The following PLCL1 variants were observed in gnomAD, a reference collection of about 807,000 sequenced individuals.
The protein encoded by PLCL1 is phospholipase C like 1 (inactive).
Under a neutral mutation model 84.4 loss-of-function variants are expected in PLCL1, and 41 were observed. That is an observed-to-expected ratio of 0.49 (90% CI 0.38 to 0.63). The LOEUF (loss-of-function observed/expected upper bound fraction) is 0.63. Ranked by LOEUF, PLCL1 falls within the 30% of genes least tolerant of loss-of-function variation. The pLI, the probability that PLCL1 is intolerant of heterozygous loss-of-function variation, is 0.00. For synonymous variants in PLCL1, 490 were observed against 488.3 expected, an observed-to-expected ratio of 1.00 and a Z score of -0.05; for missense variants, 1,206 against 1,367.8, an observed-to-expected ratio of 0.88 and a Z score of 1.87.
In PLCL1 at chr2:197,805,601, C is replaced by A. The variant is rs978415877; in HGVS notation, c.240+262C>A. 6.6e-6 allele frequency among the ~76,000 whole-genome samples: 1 copy of A among 152,194 alleles called. No homozygotes were observed. The highest frequency in any genetic ancestry group is 2.4e-5 in the African/African-American group (1 of 41,450). On this transcript the variant is annotated intron_variant, in intron 1 of 5. Coordinates refer to ENST00000428675, the MANE Select transcript of PLCL1 (RefSeq NM_006226.4). This position sits in a 1 kb window ranked among gnomAD's most constrained non-coding sequence, Gnocchi z 4.0. ...TTGCGTTCTGATGGATGCTTTCCCT[C>A]ATTTTCTCTGCAAGCTTCACTAAAC...
At chr2:197,835,365 T>C (rs1469631744) in intron 1 of PLCL1, among the ~76,000 whole-genome samples, 1 of 152,214 alleles carries the variant, frequency 6.6e-6, no homozygotes, top group Non-Finnish European at 1.5e-5. Context: ...AGTAGATAGT[T>C]TTGTGACATT....
Position 197,858,282 on chromosome 2 carries a change from A to C in PLCL1, c.240+52943A>C, listed in dbSNP as rs567427605. 7.2e-5 allele frequency among the ~76,000 whole-genome samples: 11 copies of C among 152,282 alleles called. No individual in the cohort carries two copies. The South Asian group carries it at 2.1e-3, about 29-fold the overall frequency. On this transcript the variant is annotated intron_variant, in intron 1 of 5. Transcript: ENST00000428675. ...ATCCCAAGGCAAGTGACAGCCACTG[A>C]GTTGTAGCTCCTCTTGTAAAATAAA... is the stretch of plus-strand genomic sequence containing the variant.
rs79140082 is a variant in PLCL1, at chr2:198,056,540, C to T, written c.241-27218C>T. Among the ~76,000 whole-genome samples the T allele has an allele frequency of 2.8e-3, 424 of 152,290 alleles. 3 individuals are homozygous for T. The highest frequency in any genetic ancestry group is 9.5e-3 in the African/African-American group (396 of 41,558). Reference sequence around the variant, plus strand: ...GGGCAGGTTACTTAATCTTTCAAAGCCTCAGTTTCCTCATCTGCAAAATGG... The same window carrying T: ...GGGCAGGTTACTTAATCTTTCAAAGTCTCAGTTTCCTCATCTGCAAAATGG... On this transcript the variant is annotated intron_variant, in intron 1 of 5. Coordinates refer to ENST00000428675, the MANE Select transcript of PLCL1 (RefSeq NM_006226.4).
intron 1 of PLCL1, among the ~76,000 whole-genome samples, chr2:197,974,592 G>A (rs980145613): frequency 6.6e-6 from 1 of 152,216 alleles, no homozygotes. Context: ...AGAGCACAAA[G>A]TTTGTTTCTA....
intron 1 of PLCL1, among the ~76,000 whole-genome samples, chr2:197,913,058 T>C (rs1273626308): frequency 6.6e-6 from 1 of 152,022 alleles, no homozygotes; most frequent in African/African-American, 2.4e-5. Context: ...TAAGCTGAAA[T>C]ATGTAGAGAT....
At chr2:198,097,405 C>T (rs1693227552) in intron 3 of PLCL1, among the ~76,000 whole-genome samples, 2 of 152,212 alleles carry the variant, frequency 1.3e-5, no homozygotes, top group South Asian at 4.1e-4. Context: ...TCCATGCATA[C>T]TCAAAGCTGG....
At chr2:198,103,758 AT>A in intron 4 of PLCL1, 68 bp from the exon 5 acceptor site, 1 of 696,552 alleles carries the variant, frequency 1.4e-6, no homozygotes, top group Non-Finnish European at 2.4e-6. Context: ...TACTGATAAT[AT>A]TTTCATTATA....
At chr2:197,901,325 A>C (rs1235906515) in intron 1 of PLCL1, among the ~76,000 whole-genome samples, 2 of 152,226 alleles carry the variant, frequency 1.3e-5, no homozygotes, top group East Asian at 3.8e-4. Flanking sequence ...GAAAAGGCAA[A>C]AATATACAAT....
At chr2:198,145,475 CAATT>C (rs1244491203) in intron 5 of PLCL1, among the ~76,000 whole-genome samples, 1 of 152,310 alleles carries the variant, frequency 6.6e-6, no homozygotes, top group East Asian at 1.9e-4. Context: ...TTGGGACAGT[CAATT>C]AACCTCATCA....
At chr2:197,858,077 G>A (rs1052345772) in intron 1 of PLCL1, among the ~76,000 whole-genome samples, 13 of 152,148 alleles carry the variant, frequency 8.5e-5, no homozygotes, top group African/African-American at 2.4e-4. Context: ...GGTATGTTTC[G>A]GAATACTGAA....
chr2:198,050,710 G>A (rs1463054287), intron 1 of PLCL1, among the ~76,000 whole-genome samples: 1 of 152,172 alleles, frequency 6.6e-6, no homozygotes, highest in Non-Finnish European at 1.5e-5. Flanking sequence ...TGACAGATAG[G>A]AAATTATTTG....
intron 1 of PLCL1, among the ~76,000 whole-genome samples, chr2:198,064,204 A>G (rs1692272672): frequency 6.6e-6 from 1 of 152,170 alleles, no homozygotes; most frequent in Non-Finnish European, 1.5e-5. Flanking sequence ...GGAGCAATTA[A>G]CAAAACTAAA....
intron 1 of PLCL1, among the ~76,000 whole-genome samples, chr2:197,898,156 T>C (rs1428251388): frequency 3.3e-5 from 5 of 152,326 alleles, no homozygotes; most frequent in Non-Finnish European, 1.5e-5. Context: ...TCTTTCTGAT[T>C]GGCAGGGCTG....
chr2:197,890,701 T>TATATATAC lies in PLCL1; in HGVS notation c.240+85363_240+85364insTATATACA, dbSNP rs11270566. Among the ~76,000 whole-genome samples, 87 of 118,554 alleles carry TATATATAC rather than the reference T, an allele frequency of 7.3e-4. 2 individuals carry two copies. The highest frequency in any genetic ancestry group is 5.1e-3 in the South Asian group (19 of 3,700). The allele number at this position is 118,554 out of a possible 152,430, so 77.8% of individuals were successfully genotyped here. ...TTTTTGCTATATATATATATATATA[T>TATATATAC]ACACACACACATATACGTATATATG... On this transcript the variant is annotated intron_variant, in intron 1 of 5. Coordinates refer to ENST00000428675, the MANE Select transcript of PLCL1 (RefSeq NM_006226.4).
chr2:198,118,492 A>C (rs532951237), intron 5 of PLCL1, among the ~76,000 whole-genome samples: 1 of 152,130 alleles, frequency 6.6e-6, no homozygotes, highest in Non-Finnish European at 1.5e-5. Context: ...AAAGATACTC[A>C]GGAAAAGTTT....
chr2:197,909,335 T>C (rs1206657094), intron 1 of PLCL1, among the ~76,000 whole-genome samples: 2 of 152,056 alleles, frequency 1.3e-5, no homozygotes, highest in African/African-American at 4.8e-5. Context: ...TCTCTTTTTT[T>C]TTTTCCTTTT....
At chr2:197,971,672 G>T (rs1689869167) in intron 1 of PLCL1, among the ~76,000 whole-genome samples, 1 of 152,202 alleles carries the variant, frequency 6.6e-6, no homozygotes, top group Non-Finnish European at 1.5e-5. Context: ...TGCATAGAAA[G>T]ATATTACAAC....
At chr2:197,945,082 T>C (rs1247003836) in intron 1 of PLCL1, among the ~76,000 whole-genome samples, 1 of 152,222 alleles carries the variant, frequency 6.6e-6, no homozygotes, top group Non-Finnish European at 1.5e-5. Flanking sequence ...TTTAATATCT[T>C]ATCTAAATGT....
At chr2:198,132,237 T>G (rs148185828) in intron 5 of PLCL1, among the ~76,000 whole-genome samples, 1 of 152,324 alleles carries the variant, frequency 6.6e-6, no homozygotes, top group African/African-American at 2.4e-5. Flanking sequence ...AGCTACTGAT[T>G]GGCCACACTT....
Sources: allele counts gnomAD v4.1 joint callset (sites outside exome capture counted in the v4.1 genomes callset), GRCh38; gene constraint gnomAD v4.1.1; non-coding constraint Gnocchi (gnomAD v3.1); transcripts MANE v1.5; gene names NCBI Gene and HGNC (gene_info 2026-07-23, HGNC 2026-07-21).